Variants in SELENOM observed in about 807,000 individuals in gnomAD.
SELENOM encodes the protein selenoprotein M.
Under a neutral mutation model 14.5 loss-of-function variants are expected in SELENOM, and 17 were observed. The observed-to-expected ratio is 1.17, with a 90% CI of 0.80 to 1.76. The LOEUF (loss-of-function observed/expected upper bound fraction) is 1.76. Ranked by LOEUF, SELENOM falls within the 40% of genes most tolerant of loss-of-function variation. SELENOM has a pLI of 0.00. For missense variants in SELENOM, 230 were observed against 204.6 expected (o/e 1.12, Z -0.76); for synonymous variants, 102 against 93.3 (o/e 1.09, Z -0.54).
At position 31,105,091 on chromosome 22, in the gene SELENOM, T is replaced by C. The variant is rs764421749; in HGVS notation, c.317A>G (p.Asn106Ser). The part of the protein sequence containing the change: ...PLSEMTREEI[N>S]ALVQELGFYR... ...GAAGCCGAGCTCCTGCACTAGCGCA[T>C]TGATCTCTTCGCGGGTCATTTCACT... The change falls in exon 5 of 5, where the codon AAT becomes AGT. Residue 106 changes from asparagine (N) to serine (S), a missense_variant. Physicochemically the swap from Asn to Ser is conservative, Grantham distance 46. Transcript: ENST00000400299. 3 of 1,613,348 alleles carry C rather than the reference T, an allele frequency of 1.9e-6. No homozygotes were observed. The highest frequency in any genetic ancestry group is 4.5e-5 in the East Asian group (2 of 44,868).
Position 31,105,226 on chromosome 22 carries a change from G to A in SELENOM, c.261C>T (p.Arg87=), listed in dbSNP as rs1335037438. ...GCCTCACCTCTAGTTCCTCGTAGCG[G>A]CGGCCCAGCAGCACGAGCTCAGGGT... The part of the protein sequence containing the change: ...GADPELVLLG[R]RYEELERIPL... Residue 87 remains arginine, a synonymous_variant, in exon 4 of 5, where the codon CGC becomes CGT. Transcript: ENST00000400299. The A allele has an allele frequency of 6.2e-7, 1 of 1,613,122 alleles. No individual in the cohort carries two copies. The highest frequency in any genetic ancestry group is 8.5e-7 in the Non-Finnish European group (1 of 1,179,696).
chr22:31,105,952 C>T lies in SELENOM; in HGVS notation c.143G>A (p.Sec48Ter). 1.2e-6 allele frequency: 2 copies of T among 1,614,100 alleles called. No homozygotes were observed. Among genetic ancestry groups the T allele is most frequent in the Non-Finnish European group, 1.7e-6 (2 of 1,179,968 alleles). ...CACCTCCTTTAGGCGGTTCAGCTGT[C>T]ATCCCCCGCAGGTCTGGAGGGGGAT... ...TRARVETCGG[U>*]QLNRLKEVKA... is the part of the protein sequence containing the mutation. Residue 48 changes from selenocysteine (U) to a stop codon, truncating the protein, a stop_gained, in exon 2 of 5, where the codon TGA becomes TAA. Coordinates refer to ENST00000400299, the MANE Select transcript of SELENOM (RefSeq NM_080430.4). LOFTEE classifies it high-confidence loss of function.
In SELENOM at chr22:31,105,008, T is replaced by C; in HGVS notation, c.400A>G (p.Lys134Glu). The C allele has an allele frequency of 1.2e-6, 2 of 1,603,686 alleles. No homozygotes were observed. Among genetic ancestry groups the C allele is most frequent in the Non-Finnish European group, 1.7e-6 (2 of 1,176,974 alleles). ...TGGTCCGAAGTTTCCTCTGGGGGCT[T>C]CGCGGGCGCCCACACGTACTCGGGG... ...VPPEYVWAPA[K>E]PPEETSDHAD... Residue 134 changes from lysine (K) to glutamate (E), a missense_variant, in exon 5 of 5, where the codon AAG becomes GAG. By Grantham distance (56) the Lys-to-Glu change is moderately conservative. Transcript: ENST00000400299.
chr22:31,105,340 G>A (rs2044391026), intron 3 of SELENOM, 54 bp from the exon 4 acceptor site: 6 of 1,507,302 alleles, frequency 4.0e-6, no homozygotes, highest in East Asian at 2.4e-5. Context: ...GGTGGTTTCC[G>A]CAGCCTTACT....
chr22:31,105,010 G>A lies in SELENOM; in HGVS notation c.398C>T (p.Ala133Val), dbSNP rs1211131930. 3.1e-6 allele frequency: 5 copies of A among 1,603,832 alleles called. No individual in the cohort carries two copies. The highest frequency in any genetic ancestry group is 2.7e-5 in the African/African-American group (2 of 74,230). Residue 133 changes from alanine (A) to valine (V), a missense_variant, in exon 5 of 5, where the codon GCG becomes GTG. Ala to Val is a moderately conservative substitution (Grantham distance 64). Transcript: ENST00000400299. ...QVPPEYVWAP[A>V]KPPEETSDHA... ...GTCCGAAGTTTCCTCTGGGGGCTTC[G>A]CGGGCGCCCACACGTACTCGGGGGG...
Position 31,107,507 on chromosome 22 carries a change from G to A in SELENOM, c.-2C>T, listed in dbSNP as rs1293605978. 5 of 1,541,752 alleles carry A rather than the reference G, an allele frequency of 3.2e-6. No homozygotes were observed. Among genetic ancestry groups the A allele is most frequent in the Non-Finnish European group, 4.4e-6 (5 of 1,145,356 alleles). On this transcript the variant is annotated 5_prime_UTR_variant, in exon 1 of 5. Transcript: ENST00000400299. Reference sequence around the variant, plus strand: ...CAGCGGAGGCAACAGGAGGCTCATCGGGACCCGGCCGCAGATGATGCGCAA... The same window carrying A: ...CAGCGGAGGCAACAGGAGGCTCATCAGGACCCGGCCGCAGATGATGCGCAA...
Position 31,107,383 on chromosome 22 carries a change from C to G in SELENOM, c.123G>C (p.Arg41=). The G allele has an allele frequency of 6.3e-7, 1 of 1,594,862 alleles. No individual in the cohort carries two copies. The highest frequency in any genetic ancestry group is 8.5e-7 in the Non-Finnish European group (1 of 1,172,758). The change falls in exon 1 of 5, where the codon CGG becomes CGC. Residue 41 remains arginine (R), a synonymous_variant. Coordinates refer to ENST00000400299, the MANE Select transcript of SELENOM (RefSeq NM_080430.4). ...WNRLSGLTRA[R]VETCGGUQLN... ...TGGAGGCCGGCGTACTCACCTCTAC[C>G]CGGGCGCGGGTTAGGCCGCTCAGAC... is the stretch of plus-strand genomic sequence containing the variant.
At position 31,105,940 on chromosome 22, in the gene SELENOM, C is replaced by T. The variant is rs540540257; in HGVS notation, c.155G>A (p.Arg52His). ...TTCCTTCAAACTCACCTCCTTTAGGCGGTTCAGCTGTCATCCCCCGCAGGT... is the reference window on the plus strand; with the variant it reads ...TTCCTTCAAACTCACCTCCTTTAGGTGGTTCAGCTGTCATCCCCCGCAGGT... ...VETCGGUQLN[R>H]LKEVKAFVTQ... is the part of the protein sequence containing the mutation. Residue 52 changes from arginine (R) to histidine (H), a missense_variant, in exon 2 of 5, where the codon CGC (arginine) becomes CAC (histidine). Transcript: ENST00000400299. 1.9e-4 allele frequency: 310 copies of T among 1,614,038 alleles called. 2 individuals are homozygous for T. The South Asian group carries it at 3.0e-3, about 16-fold the overall frequency.
chr22:31,106,075 C>A, intron 1 of SELENOM, 110 bp from the exon 2 acceptor site: 1 of 978,586 alleles, frequency 1.0e-6, no homozygotes, highest in South Asian at 1.3e-5. Context: ...TGAGTTATCC[C>A]CGGATCAGCA....
intron 3 of SELENOM, 88 bp downstream of exon 3, chr22:31,105,570 G>T: frequency 7.3e-7 from 1 of 1,372,690 alleles, no homozygotes; most frequent in South Asian, 1.2e-5. Context: ...CTTGTCAGTT[G>T]AAAACCATCT....
chr22:31,107,530 C>G lies in SELENOM; in HGVS notation c.-25G>C. Reference sequence around the variant, plus strand: ...TCGGGACCCGGCCGCAGATGATGCGCAAGCTGGAGGCGAACCTCCGAGTCG... The same window carrying G: ...TCGGGACCCGGCCGCAGATGATGCGGAAGCTGGAGGCGAACCTCCGAGTCG... On this transcript the variant is annotated 5_prime_UTR_variant, in exon 1 of 5. Coordinates refer to ENST00000400299, the MANE Select transcript of SELENOM (RefSeq NM_080430.4). The G allele has an allele frequency of 1.3e-6, 2 of 1,522,044 alleles. No homozygotes were observed. The highest frequency in any genetic ancestry group is 1.8e-6 in the Non-Finnish European group (2 of 1,135,660). The allele number at this position is 1,522,044 out of a possible 1,614,324, so 94.3% of individuals were successfully genotyped here. A position where few individuals can be genotyped will look rare whatever the true frequency, so the allele number is the denominator to read the frequency against.
intron 3 of SELENOM, 31 bp downstream of exon 3, chr22:31,105,627 C>A (rs2044394841): frequency 6.2e-7 from 1 of 1,611,056 alleles, no homozygotes; most frequent in African/African-American, 1.3e-5. Context: ...GGTGCCCATC[C>A]CATTTCCCCT....
At chr22:31,106,113 A>C in intron 1 of SELENOM, 148 bp from the exon 2 acceptor site, 1 of 726,490 alleles carries the variant, frequency 1.4e-6, no homozygotes, top group Non-Finnish European at 2.4e-6. Flanking sequence ...GAAATGCTGG[A>C]CCCTTGTGGG....
intron 3 of SELENOM, 109 bp downstream of exon 3, chr22:31,105,549 A>T: frequency 8.6e-7 from 1 of 1,168,530 alleles, no homozygotes; most frequent in Non-Finnish European, 1.3e-6. Context: ...AGCCACTACC[A>T]ATCAATTCAA....
At chr22:31,105,410 G>T in intron 3 of SELENOM, 124 bp from the exon 4 acceptor site, 1 of 1,022,396 alleles carries the variant, frequency 9.8e-7, no homozygotes, top group Non-Finnish European at 1.5e-6. Flanking sequence ...AGGGGCCAGG[G>T]TCTCCGCTTA....
In SELENOM at chr22:31,105,252, C is replaced by T. The variant is rs753815234; in HGVS notation, c.235G>A (p.Asp79Asn). 1 of 1,612,788 alleles carries T rather than the reference C, an allele frequency of 6.2e-7. No individual in the cohort carries two copies. The highest frequency in any genetic ancestry group is 1.1e-5 in the South Asian group (1 of 90,892). Residue 79 changes from aspartate (D) to asparagine (N), a missense_variant, in exon 4 of 5, where the codon GAC becomes AAC. By Grantham distance (23) the Asp-to-Asn change is conservative. Coordinates refer to ENST00000400299, the MANE Select transcript of SELENOM (RefSeq NM_080430.4). ...NLVMKHLPGA[D>N]PELVLLGRRY... ...CGGCCCAGCAGCACGAGCTCAGGGTCGGCCCCAGGGAGGTGTTTCATCACC... is the reference window on the plus strand; with the variant it reads ...CGGCCCAGCAGCACGAGCTCAGGGTTGGCCCCAGGGAGGTGTTTCATCACC...
chr22:31,107,174 G>C, intron 1 of SELENOM: 1 of 617,842 alleles, frequency 1.6e-6, no homozygotes, highest in Non-Finnish European at 2.7e-6. Flanking sequence ...CGGAGTTCCA[G>C]GCCCCAAAGT....
At chr22:31,105,576 C>T (rs1420971068) in intron 3 of SELENOM, 82 bp downstream of exon 3, 1 of 1,407,276 alleles carries the variant, frequency 7.1e-7, no homozygotes, top group African/African-American at 1.4e-5. Context: ...AGTTGAAAAC[C>T]ATCTGCCACC....
chr22:31,105,825 C>T (rs1461959214), intron 2 of SELENOM, 105 bp downstream of exon 2: 3 of 1,484,260 alleles, frequency 2.0e-6, no homozygotes, highest in Non-Finnish European at 1.9e-6. Context: ...GACTCTCAGC[C>T]TAGGGATCCT....
Sources: gnomAD v4.1 joint callset for allele counts on GRCh38, gnomAD v4.1.1 for gene constraint, MANE v1.5 for transcripts, NCBI Gene and HGNC (gene_info 2026-07-23, HGNC 2026-07-21) for gene names.